SCN10A: variants seen among roughly 807,000 people sequenced by gnomAD.
The protein encoded by SCN10A is sodium channel protein type 10 subunit alpha.
SCN10A carries 162 observed loss-of-function variants against 170.7 expected under a neutral mutation model. The ratio of observed to expected loss-of-function variants is 0.95; its 90% CI spans 0.84 to 1.08. The LOEUF is 1.08. SCN10A is among the 50% of genes least tolerant of loss of function. The pLI, the probability that SCN10A is intolerant of heterozygous loss-of-function variation, is 0.00. For missense variants in SCN10A, 2,527 were observed against 2,436.9 expected (o/e 1.04, Z -0.78); for synonymous variants, 985 against 904.6 (o/e 1.09, Z -1.59).
At chr3:38,717,979 T>G (rs1281519729) in intron 21 of SCN10A, among the ~76,000 whole-genome samples, 1 of 152,228 alleles carries the variant, frequency 6.6e-6, no homozygotes, top group Non-Finnish European at 1.5e-5. Flanking sequence ...CAGGGATTAC[T>G]GGCCACAGGT....
intron 1 of SCN10A, among the ~76,000 whole-genome samples, chr3:38,797,432 C>A (rs1221549014): frequency 6.6e-6 from 1 of 152,164 alleles, no homozygotes; most frequent in Non-Finnish European, 1.5e-5. Flanking sequence ...TCCTCTCCTC[C>A]TGCCTATTTG....
intron 25 of SCN10A, among the ~76,000 whole-genome samples, chr3:38,708,800 C>T (rs1435128769): frequency 2.0e-5 from 3 of 152,166 alleles, no homozygotes; most frequent in Non-Finnish European, 4.4e-5. Flanking sequence ...GTAGTTGAGT[C>T]AGGAATGCAA....
chr3:38,806,478 CA>C (rs1277390636), intron 1 of SCN10A, among the ~76,000 whole-genome samples: 1 of 152,002 alleles, frequency 6.6e-6, no homozygotes, highest in Non-Finnish European at 1.5e-5. Context: ...TTTAAAAAAC[CA>C]GAGAGATAGT....
At chr3:38,796,272 T>C (rs2064341297) in intron 1 of SCN10A, among the ~76,000 whole-genome samples, 1 of 152,184 alleles carries the variant, frequency 6.6e-6, no homozygotes, top group African/African-American at 2.4e-5. Context: ...TCTTTCTATT[T>C]CATTCCACAT....
At chr3:38,734,867 G>A (rs1424398360) in intron 15 of SCN10A, among the ~76,000 whole-genome samples, 1 of 152,060 alleles carries the variant, frequency 6.6e-6, no homozygotes, top group Non-Finnish European at 1.5e-5. Context: ...AATGGCATAA[G>A]GATTAGAAAA....
Position 38,726,875 on chromosome 3 carries a change from G to C in SCN10A, c.2818C>G (p.Gln940Glu), listed in dbSNP as rs780390487. Residue 940 changes from glutamine to glutamate, a missense_variant, in exon 17 of 28, where the codon CAG (glutamine) becomes GAG (glutamate). Physicochemically the swap from Gln to Glu is conservative, Grantham distance 29. Coordinates refer to ENST00000449082, the MANE Select transcript of SCN10A (RefSeq NM_006514.4). ...ACCAGCTCAGGCTCTGCCTTGGGCT[G>C]GGGGAATGGGCAGGACCTGCTGAAG... ...SFFSRSCPFP[Q>E]PKAEPELVVK... is the part of the protein sequence containing the mutation. 1 of 1,614,024 alleles carries C rather than the reference G, an allele frequency of 6.2e-7. No individual in the cohort carries two copies. The highest frequency in any genetic ancestry group is 1.7e-5 in the Admixed American group (1 of 60,008).
At chr3:38,703,737 C>T (rs555995534) in intron 26 of SCN10A, among the ~76,000 whole-genome samples, 8 of 152,346 alleles carry the variant, frequency 5.3e-5, no homozygotes, top group East Asian at 3.9e-4. Flanking sequence ...CAGTCTTGAG[C>T]ATCCTTTGCT....
intron 16 of SCN10A, 103 bp downstream of exon 16, chr3:38,728,439 G>C: frequency 4.6e-6 from 6 of 1,296,930 alleles, no homozygotes; most frequent in Non-Finnish European, 6.3e-6. Context: ...AACCAGAGAA[G>C]TACAATCTGG....
At chr3:38,737,817 TTTCTTTCTTTCTTTCTCTTTC>T (rs1559433911) in intron 15 of SCN10A, among the ~76,000 whole-genome samples, 3 of 126,656 alleles carry the variant, frequency 2.4e-5, no homozygotes. Flanking sequence ...TCTTTCTTTC[TTTCTTTCTTTCTTTCTCTTTC>T]TTCTTTCTTT....
rs75074341 is a variant in SCN10A, at chr3:38,709,699, C to T, written c.4144-84G>A. Reference sequence around the variant, plus strand: ...TGAAAGCCAAGCCTAAGACATGGACCTGGGTGCAGGTGATTTATCTGGGAG... The same window carrying T: ...TGAAAGCCAAGCCTAAGACATGGACTTGGGTGCAGGTGATTTATCTGGGAG... On this transcript the variant is annotated intron_variant, in intron 24 of 27. Coordinates refer to ENST00000449082, the MANE Select transcript of SCN10A (RefSeq NM_006514.4). 6,733 of 1,279,912 alleles carry T rather than the reference C, an allele frequency of 5.3e-3. 498 individuals are homozygous for T. The East Asian group carries it at 0.16, about 30-fold the overall frequency. 79.3% of individuals were successfully genotyped at this position (1,279,912 alleles called of 1,614,324 possible).
chr3:38,716,662 G>A (rs2063337255), intron 21 of SCN10A, among the ~76,000 whole-genome samples: 3 of 152,090 alleles, frequency 2.0e-5, no homozygotes, highest in Admixed American at 6.6e-5. Context: ...GACACAAAAA[G>A]ATGGATAGGA....
chr3:38,763,312 G>A (rs977252995), intron 6 of SCN10A, among the ~76,000 whole-genome samples, 193 bp downstream of exon 6: 7 of 152,280 alleles, frequency 4.6e-5, no homozygotes, highest in Middle Eastern at 3.4e-3. Flanking sequence ...GGGACAATAG[G>A]CTTCCAGGTC....
In SCN10A at chr3:38,718,687, T is replaced by C. The variant is rs1366834332; in HGVS notation, c.3647A>G (p.Asn1216Ser). Residue 1216 changes from asparagine (N) to serine (S), a missense_variant, in exon 21 of 28, where the codon AAT becomes AGT. Physicochemically the swap from Asn to Ser is conservative, Grantham distance 46 (BLOSUM62 1). Coordinates refer to ENST00000449082, the MANE Select transcript of SCN10A (RefSeq NM_006514.4). ...VAYGFKKYFTNAWCWLDFLIV... is the reference protein window; with the variant it reads ...VAYGFKKYFTSAWCWLDFLIV... Reference sequence around the variant, plus strand: ...GAGGAAGTCCAGCCAGCACCAGGCATTGGTGAAGTACTTTTTGAAGCCATA... The same window carrying C: ...GAGGAAGTCCAGCCAGCACCAGGCACTGGTGAAGTACTTTTTGAAGCCATA... 1 of 1,614,138 alleles carries C rather than the reference T, an allele frequency of 6.2e-7. No individual in the cohort carries two copies.
rs748034773 is a variant in SCN10A at position 38,757,115 on chromosome 3, G to A, written c.995C>T (p.Pro332Leu). The A allele has an allele frequency of 2.5e-6, 4 of 1,613,266 alleles. No homozygotes were observed. The highest frequency in any genetic ancestry group is 2.2e-5 in the East Asian group (1 of 44,892). The change falls in exon 9 of 28, where the codon CCG (proline) becomes CTG (leucine). Residue 332 changes from proline (P) to leucine (L), a missense_variant. Coordinates refer to ENST00000449082, the MANE Select transcript of SCN10A (RefSeq NM_006514.4). Reference sequence around the variant, plus strand: ...ATCAAAGCTGGTGTAGTTAAAATCCGGGTTGTCAGAAGTTTTAAGGCAGAT... The same window carrying A: ...ATCAAAGCTGGTGTAGTTAAAATCCAGGTTGTCAGAAGTTTTAAGGCAGAT... ...GYICLKTSDNPDFNYTSFDSF... is the reference protein window; with the variant it reads ...GYICLKTSDNLDFNYTSFDSF...
chr3:38,737,798 C>CTCTTTCTTTTTCTT (rs1553618374), intron 15 of SCN10A, among the ~76,000 whole-genome samples: 1 of 93,608 alleles, frequency 1.1e-5, no homozygotes, highest in Non-Finnish European at 2.0e-5. Context: ...CCCTCCCTTC[C>CTCTTTCTTTTTCTT]TCTTTCTTTC....
intron 6 of SCN10A, among the ~76,000 whole-genome samples, chr3:38,762,824 A>G (rs2063890395): frequency 6.6e-6 from 1 of 152,148 alleles, no homozygotes; most frequent in Non-Finnish European, 1.5e-5. Context: ...TAAGAGAACG[A>G]ATTCTTGGGG....
intron 20 of SCN10A, 49 bp downstream of exon 20, chr3:38,722,209 G>A: frequency 6.4e-7 from 1 of 1,568,802 alleles, no homozygotes; most frequent in Non-Finnish European, 8.7e-7. Context: ...TGGATTGTAG[G>A]AGATTCCTAT....
rs2063564008 is a variant in SCN10A at position 38,736,666 on chromosome 3, G to A, written c.2280+2849C>T. Reference sequence around the variant, plus strand: ...AAGGTGATTGAGTTTGTTTTCAAGGGCATAATAATATTGGTGGGCTGTGAA... The same window carrying A: ...AAGGTGATTGAGTTTGTTTTCAAGGACATAATAATATTGGTGGGCTGTGAA... On this transcript the variant is annotated intron_variant, in intron 15 of 27. Transcript: ENST00000449082. Among the ~76,000 whole-genome samples the A allele has an allele frequency of 2.0e-5, 3 of 151,984 alleles. 1 individual carries two copies. The highest frequency in any genetic ancestry group is 2.0e-4 in the Admixed American group (3 of 15,256).
chr3:38,804,233 T>C (rs1306659060), intron 1 of SCN10A, among the ~76,000 whole-genome samples: 5 of 152,106 alleles, frequency 3.3e-5, no homozygotes, highest in Non-Finnish European at 5.9e-5. Context: ...GTTTTTCAAC[T>C]TGTTCTTTTC....
Sources: gnomAD v4.1 joint callset for allele counts (sites outside exome capture counted in the v4.1 genomes callset) on GRCh38, gnomAD v4.1.1 for gene constraint, MANE v1.5 for transcripts, NCBI Gene and HGNC (gene_info 2026-07-23, HGNC 2026-07-21) for gene names.